The following NOS1AP variants were observed in gnomAD, a reference collection of about 807,000 sequenced individuals.
NOS1AP encodes the protein carboxyl-terminal PDZ ligand of neuronal nitric oxide synthase protein.
NOS1AP carries 21 observed loss-of-function variants against 56.2 expected under a neutral mutation model. That is an observed-to-expected ratio of 0.37 (90% confidence interval 0.26 to 0.54). The LOEUF is 0.54. NOS1AP is among the 20% of genes least tolerant of loss of function. NOS1AP has a pLI of 0.84. For missense variants in NOS1AP, 522 were observed against 657.8 expected (o/e 0.79, Z 2.26); for synonymous variants, 270 against 274.6 (o/e 0.98, Z 0.17).
At chr1:162,160,335 A>G (rs935174174) in intron 2 of NOS1AP, among the ~76,000 whole-genome samples, 1 of 152,202 alleles carries the variant, frequency 6.6e-6, no homozygotes, top group Admixed American at 6.5e-5. Context: ...CTCTCCCTGT[A>G]GCCCTCTTCC....
intron 4 of NOS1AP, among the ~76,000 whole-genome samples, chr1:162,306,428 C>A (rs1364943836): frequency 2.6e-5 from 4 of 152,192 alleles, no homozygotes; most frequent in Non-Finnish European, 5.9e-5. Context: ...ATAGCTGGAG[C>A]TATTATGACC....
intron 3 of NOS1AP, among the ~76,000 whole-genome samples, chr1:162,290,481 G>A (rs1427872120): frequency 1.3e-5 from 2 of 152,190 alleles, no homozygotes; most frequent in African/African-American, 4.8e-5. Flanking sequence ...ATTGAGAGAG[G>A]TGAGAGTAGA....
intron 2 of NOS1AP, among the ~76,000 whole-genome samples, chr1:162,253,119 A>C (rs1364747170): frequency 6.6e-6 from 1 of 152,176 alleles, no homozygotes; most frequent in African/African-American, 2.4e-5. Flanking sequence ...TGCCCTCTTA[A>C]ATGGATTAAT....
intron 4 of NOS1AP, among the ~76,000 whole-genome samples, chr1:162,320,192 A>G (rs1452955761): frequency 6.6e-6 from 1 of 152,142 alleles, no homozygotes; most frequent in African/African-American, 2.4e-5. Context: ...AAGAGAGGTC[A>G]TGCTGGACCA....
rs1656817758 is a variant in NOS1AP, at chr1:162,332,877, G to T, written c.345-140G>T. ...AGTGCCTCCTGCATTGTGACTTTTT[G>T]ATCCTGAAGGAAGAAGACTTTCTGT... On this transcript the variant is annotated intron_variant, in intron 4 of 9. Coordinates refer to ENST00000361897, the MANE Select transcript of NOS1AP (RefSeq NM_014697.3). 1.6e-5 allele frequency: 11 copies of T among 689,206 alleles called. No individual in the cohort carries two copies. The East Asian group carries it at 1.7e-4, about 10-fold the overall frequency. The allele number at this position is 689,206 out of a possible 1,614,324, so 42.7% of individuals were successfully genotyped here.
chr1:162,222,783 G>A (rs1301362321), intron 2 of NOS1AP, among the ~76,000 whole-genome samples: 1 of 152,150 alleles, frequency 6.6e-6, no homozygotes, highest in East Asian at 1.9e-4. Context: ...TTCTGAAAAG[G>A]CATGAAACTG....
At chr1:162,219,829 G>C (rs548324107) in intron 2 of NOS1AP, among the ~76,000 whole-genome samples, 1 of 152,342 alleles carries the variant, frequency 6.6e-6, no homozygotes, top group East Asian at 1.9e-4. Flanking sequence ...ATTGTTGCCT[G>C]TAAGTTTACC....
Position 162,289,209 on chromosome 1 carries a change from TTTCCTTCCTTCCTTCCTTCCTTCCTTCC to T in NOS1AP, c.270+1816_270+1843del, listed in dbSNP as rs752673036. Among the ~76,000 whole-genome samples, 285 of 99,582 alleles carry T rather than the reference TTTCCTTCCTTCCTTCCTTCCTTCCTTCC, an allele frequency of 2.9e-3. 3 individuals are homozygous for T. The highest frequency in any genetic ancestry group is 0.011 in the African/African-American group (273 of 24,132). The allele number at this position is 99,582 out of a possible 152,430, so 65.3% of individuals were successfully genotyped here. A position where few individuals can be genotyped will look rare whatever the true frequency, so the allele number is the denominator to read the frequency against. On this transcript the variant is annotated intron_variant, in intron 3 of 9. Transcript: ENST00000361897. ...TGCCTTTCTTTCCTTCCTTCCTTCCTTTCCTTCCTTCCTTCCTTCCTTCCTTCCTTCCTTCCTTCCTTCCTTCCTTCCT... is the reference window on the plus strand; with the variant it reads ...TGCCTTTCTTTCCTTCCTTCCTTCCTTTCCTTCCTTCCTTCCTTCCTTCCT...
chr1:162,239,312 T>C (rs1257837418), intron 2 of NOS1AP, among the ~76,000 whole-genome samples: 1 of 152,224 alleles, frequency 6.6e-6, no homozygotes, highest in African/African-American at 2.4e-5. Flanking sequence ...GATCTACAGA[T>C]CATATTCTCT....
At chr1:162,176,291 C>A (rs1051101221) in intron 2 of NOS1AP, among the ~76,000 whole-genome samples, 3 of 152,058 alleles carry the variant, frequency 2.0e-5, no homozygotes, top group Non-Finnish European at 4.4e-5. Flanking sequence ...ATCTTACTGC[C>A]CCAAATAGTC....
intron 8 of NOS1AP, chr1:162,360,556 T>C (rs961753879): frequency 1.7e-5 from 6 of 351,054 alleles, no homozygotes; most frequent in African/African-American, 4.3e-5. Flanking sequence ...TCAGTATTGC[T>C]ATTTAAAGAT....
intron 2 of NOS1AP, among the ~76,000 whole-genome samples, chr1:162,244,691 G>A (rs1424949528): frequency 2.0e-5 from 3 of 152,096 alleles, no homozygotes; most frequent in Non-Finnish European, 4.4e-5. Flanking sequence ...TCGTTGTGGG[G>A]GACATTGTAT....
intron 1 of NOS1AP, among the ~76,000 whole-genome samples, chr1:162,139,558 G>A (rs1011314556): frequency 1.3e-5 from 2 of 152,182 alleles, no homozygotes; most frequent in East Asian, 1.9e-4. Flanking sequence ...GCTTTGTTAC[G>A]AGAGGAGGAG....
At chr1:162,148,711 A>G (rs1157649499) in intron 1 of NOS1AP, among the ~76,000 whole-genome samples, 1 of 152,202 alleles carries the variant, frequency 6.6e-6, no homozygotes, top group Admixed American at 6.5e-5. Context: ...AAAGAAGGGA[A>G]TAAGATGACC....
chr1:162,367,758 G>A lies in NOS1AP; in HGVS notation c.*291G>A, dbSNP rs1346406934. 1.2e-5 allele frequency: 5 copies of A among 403,046 alleles called. No homozygotes were observed. The highest frequency in any genetic ancestry group is 1.8e-5 in the Non-Finnish European group (4 of 222,118). 25.0% of individuals were successfully genotyped at this position (403,046 alleles called of 1,614,324 possible). A position where few individuals can be genotyped will look rare whatever the true frequency, so the allele number is the denominator to read the frequency against. On this transcript the variant is annotated 3_prime_UTR_variant, in exon 10 of 10. Coordinates refer to ENST00000361897, the MANE Select transcript of NOS1AP (RefSeq NM_014697.3). This position sits in a 1 kb window ranked among gnomAD's most constrained non-coding sequence, Gnocchi z 6.5. ...CAGGAGAGGGTCTCTCTCCAGGACT[G>A]CCAGGCTGCTGGAGGACCTGCCCCT...
intron 8 of NOS1AP, chr1:162,364,170 A>C: frequency 1.0e-6 from 1 of 985,454 alleles, no homozygotes; most frequent in Non-Finnish European, 1.2e-6. Flanking sequence ...TTTTCTGAGC[A>C]AGGGAATCAG....
At chr1:162,137,071 G>A (rs1000121146) in intron 1 of NOS1AP, among the ~76,000 whole-genome samples, 1 of 152,226 alleles carries the variant, frequency 6.6e-6, no homozygotes, top group Admixed American at 6.5e-5. Context: ...TTGGGCCTTG[G>A]TTTTAGTGGA....
At chr1:162,194,984 G>T (rs578190884) in intron 2 of NOS1AP, among the ~76,000 whole-genome samples, 7 of 152,218 alleles carry the variant, frequency 4.6e-5, no homozygotes, top group Admixed American at 1.3e-4. Flanking sequence ...CTCCTATGAG[G>T]TTTGTCTGGA....
chr1:162,337,400 A>G (rs779772553), intron 5 of NOS1AP, among the ~76,000 whole-genome samples: 1 of 152,228 alleles, frequency 6.6e-6, no homozygotes, highest in Non-Finnish European at 1.5e-5. Flanking sequence ...GATGACAGCC[A>G]TGTGCTAAAG....
Sources: allele counts gnomAD v4.1 joint callset (sites outside exome capture counted in the v4.1 genomes callset), GRCh38; gene constraint gnomAD v4.1.1; non-coding constraint Gnocchi (gnomAD v3.1); transcripts MANE v1.5; gene names NCBI Gene and HGNC (gene_info 2026-07-23, HGNC 2026-07-21).